LIPA: variants seen among roughly 807,000 people sequenced by gnomAD.
LIPA encodes the protein lysosomal acid lipase/cholesteryl ester hydrolase.
A neutral mutation model predicts 40.6 loss-of-function variants in LIPA; 26 were observed. That is an observed-to-expected ratio of 0.64 (90% CI 0.47 to 0.89). The LOEUF (loss-of-function observed/expected upper bound fraction) is 0.89. LIPA is among the 40% of genes least tolerant of loss of function. The pLI, the probability that LIPA is intolerant of heterozygous loss-of-function variation, is 0.00. For missense variants in LIPA, 455 were observed against 479.6 expected (o/e 0.95, Z 0.48); for synonymous variants, 188 against 168.4 (o/e 1.12, Z -0.90).
At chr10:89,269,171 C>CA (rs58562225) in intron 1 of LIPA, among the ~76,000 whole-genome samples, 1,614 of 144,428 alleles carry the variant, frequency 0.011, 35 homozygotes, top group African/African-American at 0.038. Context: ...CTAAAAAATA[C>CA]AAAAAAAAAT....
intron 3 of LIPA, among the ~76,000 whole-genome samples, chr10:89,239,648 C>T (rs553711894): frequency 6.6e-6 from 1 of 152,284 alleles, no homozygotes; most frequent in East Asian, 1.9e-4. Flanking sequence ...CCAAAACCAG[C>T]AATAATCACT....
intron 1 of LIPA, among the ~76,000 whole-genome samples, chr10:89,322,110 C>T (rs566510711): frequency 6.6e-6 from 1 of 152,086 alleles, no homozygotes; most frequent in Non-Finnish European, 1.5e-5. Flanking sequence ...AGGAGATATA[C>T]CTAATGTAAA....
At chr10:89,265,620 A>G (rs1843231896) in intron 1 of LIPA, among the ~76,000 whole-genome samples, 2 of 152,254 alleles carry the variant, frequency 1.3e-5, no homozygotes, top group Admixed American at 1.3e-4. Context: ...GGGTCAATTA[A>G]TATCTAGTGA....
intron 1 of LIPA, chr10:89,340,084 T>C (rs781594720): frequency 1.2e-6 from 2 of 1,612,066 alleles, no homozygotes; most frequent in Non-Finnish European, 8.5e-7. Flanking sequence ...CGCAGTCAGC[T>C]CCAGTCCCAG....
chr10:89,334,105 T>C (rs1356881824), intron 1 of LIPA, among the ~76,000 whole-genome samples: 4 of 152,168 alleles, frequency 2.6e-5, no homozygotes, highest in Non-Finnish European at 4.4e-5. Flanking sequence ...TCCCCACTCT[T>C]ACCACTTCAA....
At chr10:89,312,809 A>C (rs919355986) in intron 1 of LIPA, among the ~76,000 whole-genome samples, 1 of 145,886 alleles carries the variant, frequency 6.9e-6, no homozygotes, top group African/African-American at 2.5e-5. Context: ...ACTCCCTCTC[A>C]AAAAAAAAAA....
In LIPA at chr10:89,408,838, T is replaced by C. The variant is rs542766876; in HGVS notation, c.61+3953A>G. 1.5e-4 allele frequency among the ~76,000 whole-genome samples: 23 copies of C among 152,078 alleles called. No individual in the cohort carries two copies. The South Asian group carries it at 4.4e-3, about 29-fold the overall frequency. On this transcript the variant is annotated intron_variant, in intron 2 of 8. Coordinates refer to the LIPA transcript ENST00000371837. ...CCTGGTATCTTAGTCAGATAAATGATAGAATGACAGCCCAAGAAAGGGACA... is the reference window on the plus strand; with the variant it reads ...CCTGGTATCTTAGTCAGATAAATGACAGAATGACAGCCCAAGAAAGGGACA...
At chr10:89,280,791 A>G (rs1198052878) in intron 1 of LIPA, among the ~76,000 whole-genome samples, 1 of 152,204 alleles carries the variant, frequency 6.6e-6, no homozygotes, top group African/African-American at 2.4e-5. Context: ...TTTCTGACTA[A>G]GCTGCTCCAG....
intron 2 of LIPA, among the ~76,000 whole-genome samples, chr10:89,391,260 C>T (rs1844247792): frequency 6.6e-6 from 1 of 152,208 alleles, no homozygotes; most frequent in African/African-American, 2.4e-5. Context: ...GTTGCCCAGG[C>T]TGGAGTGCAG....
chr10:89,258,303 T>C (rs1425191460), intron 1 of LIPA, among the ~76,000 whole-genome samples: 1 of 152,016 alleles, frequency 6.6e-6, no homozygotes, highest in Non-Finnish European at 1.5e-5. Flanking sequence ...TACACATACA[T>C]TTGAAAGTTA....
chr10:89,392,468 C>A, intron 2 of LIPA: 2 of 167,088 alleles, frequency 1.2e-5, no homozygotes, highest in Admixed American at 7.1e-5. Context: ...AGTTTCATTC[C>A]CCACCCCCCC....
At chr10:89,394,598 A>ATATTT (rs1554880752) in intron 2 of LIPA, among the ~76,000 whole-genome samples, 18 of 22,486 alleles carry the variant, frequency 8.0e-4, no homozygotes, top group African/African-American at 3.7e-3. Context: ...ATATATATAT[A>ATATTT]TATATATATA....
At chr10:89,318,633 T>C (rs889306197) in intron 1 of LIPA, among the ~76,000 whole-genome samples, 1 of 152,166 alleles carries the variant, frequency 6.6e-6, no homozygotes, top group African/African-American at 2.4e-5. Flanking sequence ...AACACCCCAC[T>C]GTCAACATTA....
chr10:89,333,117 T>C (rs944413744), intron 1 of LIPA, among the ~76,000 whole-genome samples: 28 of 152,338 alleles, frequency 1.8e-4, no homozygotes, highest in African/African-American at 6.7e-4. Flanking sequence ...TACCTTGAAA[T>C]GCACTTTTTC....
intron 2 of LIPA, among the ~76,000 whole-genome samples, chr10:89,352,881 AGT>A (rs1247779800): frequency 6.6e-6 from 1 of 151,912 alleles, no homozygotes; most frequent in Non-Finnish European, 1.5e-5. Context: ...CCCTAAAAAC[AGT>A]TCTGTTGAAT....
At chr10:89,402,457 T>C in intron 2 of LIPA, 21 of 1,614,192 alleles carry the variant, frequency 1.3e-5, no homozygotes, top group Non-Finnish European at 1.7e-5. Context: ...CTAGCCTATG[T>C]GAAACACCTG....
At chr10:89,367,893 G>A (rs1362091234) in intron 2 of LIPA, among the ~76,000 whole-genome samples, 1 of 152,050 alleles carries the variant, frequency 6.6e-6, no homozygotes, top group African/African-American at 2.4e-5. Context: ...ATCATAGCTC[G>A]ATGCAGCCTC....
Position 89,337,714 on chromosome 10 carries a change from C to T in LIPA, c.-2+4897G>A, listed in dbSNP as rs117665253. ...ATTCCTGGCTGACTTGGTAATTGAG[C>T]AGCGTGAGAGAGATCTCATTTCCTG... On this transcript the variant is annotated intron_variant, in intron 1 of 5. Transcript: ENST00000282673. Among the ~76,000 whole-genome samples, 875 of 152,316 alleles carry T rather than the reference C, an allele frequency of 5.7e-3. 3 individuals carry two copies. The highest frequency in any genetic ancestry group is 0.027 in the Middle Eastern group (8 of 294).
At chr10:89,340,170 G>T in intron 1 of LIPA, 1 of 1,529,166 alleles carries the variant, frequency 6.5e-7, no homozygotes. Context: ...TGCAGTGGTG[G>T]TTGTGACGGG....
Sources: gnomAD v4.1 joint callset for allele counts (sites outside exome capture counted in the v4.1 genomes callset) on GRCh38, gnomAD v4.1.1 for gene constraint, MANE v1.5 for transcripts, NCBI Gene and HGNC (gene_info 2026-07-23, HGNC 2026-07-21) for gene names.